Variants in TRMT11 observed in about 807,000 individuals in gnomAD.
TRMT11 encodes tRNA methyltransferase 11, also known as tRNA (guanine(10)-N(2))-methyltransferase TRMT11.
Under a neutral mutation model 62.8 loss-of-function variants are expected in TRMT11, and 53 were observed. The ratio of observed to expected loss-of-function variants is 0.84; its 90% CI spans 0.68 to 1.06. The LOEUF is 1.06. Ranked by LOEUF, TRMT11 falls within the 50% of genes least tolerant of loss-of-function variation. The probability of loss-of-function intolerance (pLI) is 0.00; values close to 1 mark genes in which losing one functional copy is unlikely to be tolerated. For missense variants in TRMT11, 556 were observed against 553.4 expected (o/e 1.00, Z -0.05); for synonymous variants, 188 against 190.3 (o/e 0.99, Z 0.10).
At chr6:126,059,587 C>A (rs552995538) in intron 17 of TRMT11, among the ~76,000 whole-genome samples, 93 of 152,208 alleles carry the variant, frequency 6.1e-4, no homozygotes, top group African/African-American at 2.2e-3. Context: ...TTTTATGTGA[C>A]CTTTAATCTT....
At chr6:126,252,433 T>G in the TRMT11 span, among the ~76,000 whole-genome samples, 29,857 of 152,170 alleles carry the variant, frequency 0.2, 3,525 homozygotes, top group East Asian at 0.53. Flanking sequence ...GAGTCCAAAG[T>G]GGATGTTGCA....
chr6:126,213,671 G>T, the TRMT11 span, among the ~76,000 whole-genome samples: 1 of 151,898 alleles, frequency 6.6e-6, no homozygotes, highest in Non-Finnish European at 1.5e-5. Context: ...TTTTCCAAAT[G>T]TGCAGACCTT....
chr6:126,251,874 T>A, the TRMT11 span, among the ~76,000 whole-genome samples: 1 of 152,320 alleles, frequency 6.6e-6, no homozygotes, highest in East Asian at 1.9e-4. Flanking sequence ...TCTTGCCCAG[T>A]GCCTCTGCAA....
chr6:126,044,334 T>C (rs1338578841), intron 16 of TRMT11, among the ~76,000 whole-genome samples: 3 of 152,230 alleles, frequency 2.0e-5, no homozygotes, highest in Admixed American at 1.3e-4. Flanking sequence ...TTGCTTGTTT[T>C]TCTCAGGTTT....
At chr6:126,057,541 A>C (rs1776407302) in intron 17 of TRMT11, among the ~76,000 whole-genome samples, 1 of 152,192 alleles carries the variant, frequency 6.6e-6, no homozygotes, top group Admixed American at 6.5e-5. Context: ...GAACACTATA[A>C]TTCTGTAATT....
chr6:126,117,782 A>T (rs180853766), intron 21 of TRMT11, among the ~76,000 whole-genome samples: 30 of 152,224 alleles, frequency 2.0e-4, no homozygotes, highest in African/African-American at 6.5e-4. Context: ...ACTGAATAGT[A>T]GAAATATCAC....
the TRMT11 span, among the ~76,000 whole-genome samples, chr6:126,219,689 A>G: frequency 6.6e-6 from 1 of 152,152 alleles, no homozygotes; most frequent in African/African-American, 2.4e-5. Flanking sequence ...CTGTGTAATC[A>G]TTTGACTAAC....
At chr6:126,242,956 C>T in the TRMT11 span, among the ~76,000 whole-genome samples, 2 of 152,148 alleles carry the variant, frequency 1.3e-5, no homozygotes, top group East Asian at 3.8e-4. Context: ...AACTAAAGAG[C>T]TTCTGCACAG....
chr6:126,093,612 TATA>T (rs1777302914), intron 17 of TRMT11, among the ~76,000 whole-genome samples: 1 of 93,948 alleles, frequency 1.1e-5, no homozygotes, highest in African/African-American at 6.4e-5. Context: ...TATATATATA[TATA>T]TATATATATA....
chr6:126,234,095 C>T, the TRMT11 span, among the ~76,000 whole-genome samples: 1 of 152,102 alleles, frequency 6.6e-6, no homozygotes. Context: ...CATATATAGT[C>T]AAACCTACGT....
At chr6:126,075,922 G>A (rs888016036) in intron 17 of TRMT11, among the ~76,000 whole-genome samples, 2 of 152,172 alleles carry the variant, frequency 1.3e-5, no homozygotes, top group African/African-American at 4.8e-5. Flanking sequence ...TGTCACTGTG[G>A]TTCAGCATAT....
chr6:126,190,510 C>G (rs1326264956), intron 1 of TRMT11, among the ~76,000 whole-genome samples: 2 of 152,136 alleles, frequency 1.3e-5, no homozygotes, highest in East Asian at 3.8e-4. Flanking sequence ...TTCTGTTAAG[C>G]CTGCAGAACT....
rs1302714609 is a variant in TRMT11, at chr6:126,177,987, T to C, written n.143+652T>C. On this transcript the variant is annotated intron_variant and non_coding_transcript_variant, in intron 1 of 3. Transcript: ENST00000444229. ...TACTGCAAGCTCTGGTCCAGGGTCT[T>C]CCCCTTACTATCAAACTGGGGATTC... Among the ~76,000 whole-genome samples, 6 of 152,294 alleles carry C rather than the reference T, an allele frequency of 3.9e-5. No homozygotes were observed. The South Asian group carries it at 1.2e-3, about 32-fold the overall frequency.
chr6:126,048,631 G>C (rs898093543), intron 16 of TRMT11, among the ~76,000 whole-genome samples: 2 of 152,120 alleles, frequency 1.3e-5, no homozygotes, highest in Non-Finnish European at 2.9e-5. Context: ...TATTGTACTG[G>C]ACATGGCAAC....
intron 17 of TRMT11, among the ~76,000 whole-genome samples, chr6:126,097,872 A>G (rs189816826): frequency 6.6e-6 from 1 of 152,244 alleles, no homozygotes; most frequent in African/African-American, 2.4e-5. Context: ...GTACTTAAAA[A>G]TACCTCTTAT....
intron 17 of TRMT11, among the ~76,000 whole-genome samples, chr6:126,083,989 C>T (rs1461897387): frequency 2.0e-5 from 3 of 152,062 alleles, no homozygotes; most frequent in African/African-American, 7.2e-5. Context: ...TTCCATTTGT[C>T]CATTGACAGA....
At chr6:126,019,205 T>A (rs1795446794) in intron 11 of TRMT11, among the ~76,000 whole-genome samples, 1 of 152,214 alleles carries the variant, frequency 6.6e-6, no homozygotes, top group Non-Finnish European at 1.5e-5. Flanking sequence ...TGCTATTTTT[T>A]AATCTTTTTA....
chr6:126,270,693 G>A, the TRMT11 span, among the ~76,000 whole-genome samples: 1 of 152,132 alleles, frequency 6.6e-6, no homozygotes, highest in Non-Finnish European at 1.5e-5. Flanking sequence ...TTTGCAAAAT[G>A]TTAAAAAATT....
intron 17 of TRMT11, among the ~76,000 whole-genome samples, chr6:126,078,746 G>A (rs1008290105): frequency 2.0e-5 from 3 of 152,140 alleles, no homozygotes; most frequent in Non-Finnish European, 4.4e-5. Flanking sequence ...GGGGCAAAAA[G>A]TGACCCTGGG....
Sources: gnomAD v4.1 joint callset for allele counts (sites outside exome capture counted in the v4.1 genomes callset) on GRCh38, gnomAD v4.1.1 for gene constraint, MANE v1.5 for transcripts, NCBI Gene and HGNC (gene_info 2026-07-23, HGNC 2026-07-21) for gene names.